The following MYO3B variants were observed in gnomAD, a reference collection of about 807,000 sequenced individuals.
MYO3B encodes the protein myosin-IIIb.
A neutral mutation model predicts 174.6 loss-of-function variants in MYO3B; 156 were observed. The observed-to-expected ratio is 0.89, with a 90% CI of 0.78 to 1.02. The LOEUF is 1.02. Ranked by LOEUF, MYO3B falls within the 50% of genes least tolerant of loss-of-function variation. MYO3B has a pLI of 0.00. For synonymous variants in MYO3B, 563 were observed against 569.1 expected, an observed-to-expected ratio of 0.99 and a Z score of 0.15; for missense variants, 1,632 against 1,639.4, an observed-to-expected ratio of 1.00 and a Z score of 0.08.
At chr2:170,523,524 T>A (rs774323416) in intron 30 of MYO3B, among the ~76,000 whole-genome samples, 3 of 152,158 alleles carry the variant, frequency 2.0e-5, no homozygotes, top group Non-Finnish European at 4.4e-5. Flanking sequence ...TCACTGGTGA[T>A]GTTCTCATTG....
At chr2:170,290,213 T>C (rs1482175857) in intron 7 of MYO3B, among the ~76,000 whole-genome samples, 1 of 152,144 alleles carries the variant, frequency 6.6e-6, no homozygotes, top group African/African-American at 2.4e-5. Context: ...GTGTGGAGTT[T>C]AACTCTACTT....
At chr2:170,609,852 G>A (rs922628337) in intron 32 of MYO3B, among the ~76,000 whole-genome samples, 1 of 152,212 alleles carries the variant, frequency 6.6e-6, no homozygotes, top group African/African-American at 2.4e-5. Context: ...GCCCACTCTT[G>A]AACTAATATT....
At chr2:170,650,978 C>T (rs1698968750) in intron 32 of MYO3B, among the ~76,000 whole-genome samples, 2 of 143,818 alleles carry the variant, frequency 1.4e-5, no homozygotes, top group African/African-American at 5.2e-5. Context: ...TCTTCTGACT[C>T]GTGGTTTCTT....
At chr2:170,500,748 AGGTCTGT>A (rs1269776818) in intron 27 of MYO3B, among the ~76,000 whole-genome samples, 2 of 152,190 alleles carry the variant, frequency 1.3e-5, no homozygotes, top group African/African-American at 4.8e-5. Flanking sequence ...TATACACTTC[AGGTCTGT>A]GGTCAGGTGT....
chr2:170,532,325 G>A (rs145841900), intron 30 of MYO3B, among the ~76,000 whole-genome samples: 169 of 152,314 alleles, frequency 1.1e-3, no homozygotes, highest in African/African-American at 4.0e-3. Context: ...CGTTACCTCT[G>A]AATGCAATAG....
intron 24 of MYO3B, among the ~76,000 whole-genome samples, chr2:170,465,947 C>T (rs1684599333): frequency 1.3e-5 from 2 of 152,112 alleles, no homozygotes; most frequent in African/African-American, 4.8e-5. Flanking sequence ...TCCCCTCTTG[C>T]TGTGAGAGCC....
intron 6 of MYO3B, among the ~76,000 whole-genome samples, chr2:170,225,492 C>A (rs1574612188): frequency 6.6e-6 from 1 of 152,290 alleles, no homozygotes; most frequent in East Asian, 1.9e-4. Flanking sequence ...ATATTTCAAT[C>A]TGATGCTAAA....
intron 30 of MYO3B, among the ~76,000 whole-genome samples, chr2:170,531,539 G>A (rs1689354029): frequency 6.6e-6 from 1 of 152,112 alleles, no homozygotes. Flanking sequence ...CATATACAAA[G>A]TATGTAGCAT....
At chr2:170,454,929 A>C (rs1251965644) in intron 23 of MYO3B, among the ~76,000 whole-genome samples, 2 of 152,092 alleles carry the variant, frequency 1.3e-5, no homozygotes, top group East Asian at 3.9e-4. Flanking sequence ...GGGAGTTGAA[A>C]CTGTCCTCTT....
intron 7 of MYO3B, among the ~76,000 whole-genome samples, chr2:170,255,577 C>T (rs1183792952): frequency 6.6e-6 from 1 of 152,000 alleles, no homozygotes; most frequent in East Asian, 1.9e-4. Context: ...CTGAAAGCAC[C>T]AGAAACGAAG....
chr2:170,494,813 G>A (rs907599524), intron 25 of MYO3B, among the ~76,000 whole-genome samples: 2 of 151,812 alleles, frequency 1.3e-5, no homozygotes, highest in African/African-American at 4.8e-5. Context: ...TATGCAATGT[G>A]TTGTGTTAAG....
chr2:170,301,364 A>G (rs908730522), intron 7 of MYO3B, among the ~76,000 whole-genome samples: 1 of 152,222 alleles, frequency 6.6e-6, no homozygotes, highest in African/African-American at 2.4e-5. Flanking sequence ...ATTACTTTAT[A>G]CATCAAATGA....
At chr2:170,441,454 C>T (rs746493465) in intron 22 of MYO3B, among the ~76,000 whole-genome samples, 2 of 152,152 alleles carry the variant, frequency 1.3e-5, no homozygotes, top group Non-Finnish European at 2.9e-5. Flanking sequence ...CTGGATCTTG[C>T]ACAAGAAATA....
At chr2:170,267,151 AGGGTGGGAATT>A (rs66553199) in intron 7 of MYO3B, among the ~76,000 whole-genome samples, 122,275 of 152,054 alleles carry the variant, frequency 0.8, 52,255 homozygotes, top group East Asian at 0.94. Flanking sequence ...AGCTGGGGGT[AGGGTGGGAATT>A]GGGTTCTGCA....
At chr2:170,222,883 G>A (rs1383290645) in intron 6 of MYO3B, among the ~76,000 whole-genome samples, 5 of 151,986 alleles carry the variant, frequency 3.3e-5, no homozygotes, top group Non-Finnish European at 7.4e-5. Context: ...AGAACCTGCA[G>A]GGCTGCAGGT....
At chr2:170,424,361 A>G (rs371964180) in intron 22 of MYO3B, among the ~76,000 whole-genome samples, 17 of 152,184 alleles carry the variant, frequency 1.1e-4, no homozygotes, top group East Asian at 9.6e-4. Context: ...GCTCACGCCT[A>G]TAATCCCAGC....
At chr2:170,269,764 G>A (rs1484924933) in intron 7 of MYO3B, among the ~76,000 whole-genome samples, 2 of 152,206 alleles carry the variant, frequency 1.3e-5, no homozygotes, top group Non-Finnish European at 2.9e-5. Flanking sequence ...TAAAAAGAAT[G>A]TGGTAGAGCT....
At chr2:170,637,504 C>G (rs1199231536) in intron 32 of MYO3B, among the ~76,000 whole-genome samples, 1 of 152,028 alleles carries the variant, frequency 6.6e-6, no homozygotes, top group African/African-American at 2.4e-5. Flanking sequence ...GGGGTGGGGG[C>G]AGGAAGCTGC....
chr2:170,410,918 C>T (rs1021591695), intron 22 of MYO3B, among the ~76,000 whole-genome samples: 1 of 151,896 alleles, frequency 6.6e-6, no homozygotes, highest in African/African-American at 2.4e-5. Flanking sequence ...TGTGGTAGCG[C>T]ATGGCTAGAG....
Sources: allele counts gnomAD v4.1 joint callset (sites outside exome capture counted in the v4.1 genomes callset), GRCh38; gene constraint gnomAD v4.1.1; transcripts MANE v1.5; gene names NCBI Gene and HGNC (gene_info 2026-07-23, HGNC 2026-07-21).